The following ERCC6L2 variants were observed in gnomAD, a reference collection of about 807,000 sequenced individuals.
ERCC6L2 encodes the protein ERCC excision repair 6 like 2, also known as DNA excision repair protein ERCC-6-like 2.
Under a neutral mutation model 132.0 loss-of-function variants are expected in ERCC6L2, and 77 were observed. The ratio of observed to expected loss-of-function variants is 0.58; its 90% CI spans 0.49 to 0.71. ERCC6L2 has a LOEUF of 0.71. Among genes scored for constraint, ERCC6L2 ranks in the 30% least tolerant of loss-of-function variants. The pLI is 0.00. For synonymous variants in ERCC6L2, 583 were observed against 632.4 expected (o/e 0.92, Z 1.17); for missense variants, 1,542 against 1,837.6 (o/e 0.84, Z 2.94).
At chr9:95,918,296 C>A in intron 6 of ERCC6L2, 1 of 410,462 alleles carries the variant, frequency 2.4e-6, no homozygotes, top group Non-Finnish European at 4.8e-6. Context: ...GTTATTTGTC[C>A]TGATGTCAGT....
intron 19 of ERCC6L2, among the ~76,000 whole-genome samples, chr9:96,034,212 A>C (rs1159396111): frequency 2.0e-5 from 3 of 152,370 alleles, no homozygotes; most frequent in African/African-American, 7.2e-5. Flanking sequence ...GACGTTCCCC[A>C]GAGGGTTCAC....
intron 17 of ERCC6L2, among the ~76,000 whole-genome samples, chr9:95,983,204 T>C (rs1832959399): frequency 6.6e-6 from 1 of 152,198 alleles, no homozygotes; most frequent in African/African-American, 2.4e-5. Context: ...TTTAATTTTA[T>C]GTGAAGTACC....
chr9:96,036,118 A>G (rs370506069), intron 19 of ERCC6L2, among the ~76,000 whole-genome samples: 3 of 152,278 alleles, frequency 2.0e-5, no homozygotes, highest in South Asian at 4.1e-4. Context: ...AGTAATACCC[A>G]CACTCACACT....
At chr9:95,927,214 G>GACT (rs1189080473) in intron 9 of ERCC6L2, among the ~76,000 whole-genome samples, 2 of 152,064 alleles carry the variant, frequency 1.3e-5, no homozygotes, top group East Asian at 1.9e-4. Context: ...GGGGGAGGTA[G>GACT]AGGTCAAAGT....
chr9:95,938,483 C>T (rs1830657737), intron 11 of ERCC6L2, among the ~76,000 whole-genome samples: 1 of 152,050 alleles, frequency 6.6e-6, no homozygotes, highest in South Asian at 2.1e-4. Flanking sequence ...TTTCTCTTTT[C>T]AGCTTAATTT....
At chr9:96,030,836 C>T (rs887978774) in intron 19 of ERCC6L2, among the ~76,000 whole-genome samples, 11 of 152,282 alleles carry the variant, frequency 7.2e-5, no homozygotes, top group African/African-American at 2.6e-4. Context: ...CAGGGCACAC[C>T]TCATGTATTC....
intron 17 of ERCC6L2, among the ~76,000 whole-genome samples, chr9:95,979,503 A>C (rs1832807728): frequency 6.6e-6 from 1 of 152,184 alleles, no homozygotes; most frequent in African/African-American, 2.4e-5. Flanking sequence ...GAAATTTGTC[A>C]CTTGGTGTTT....
chr9:95,940,628 C>A (rs1012166971), intron 11 of ERCC6L2, among the ~76,000 whole-genome samples: 1 of 151,648 alleles, frequency 6.6e-6, no homozygotes, highest in African/African-American at 2.4e-5. Flanking sequence ...CAGTATATAC[C>A]AGTATAATTT....
At chr9:95,954,998 T>A (rs1831528514) in intron 12 of ERCC6L2, 1 of 413,616 alleles carries the variant, frequency 2.4e-6, no homozygotes, top group South Asian at 1.8e-5. Flanking sequence ...TCCCCCAAAT[T>A]GTGACATTTT....
intron 2 of ERCC6L2, among the ~76,000 whole-genome samples, chr9:95,886,253 G>A (rs1282844447): frequency 6.6e-6 from 1 of 152,146 alleles, no homozygotes; most frequent in Non-Finnish European, 1.5e-5. Flanking sequence ...CTGAGCTCAA[G>A]TGATCTGCCT....
At position 95,972,804 on chromosome 9, in the gene ERCC6L2, A is replaced by G. The variant is rs1832481670; in HGVS notation, c.3053A>G (p.Lys1018Arg). The G allele has an allele frequency of 3.1e-6, 4 of 1,304,610 alleles. No homozygotes were observed. Among genetic ancestry groups the G allele is most frequent in the Non-Finnish European group, 4.0e-6 (4 of 988,908 alleles). The allele number at this position is 1,304,610 out of a possible 1,614,324, so 80.8% of individuals were successfully genotyped here. A position where few individuals can be genotyped will look rare whatever the true frequency, so the allele number is the denominator to read the frequency against. ...ETKKELHNSP[K>R]TMNKTNQVYA... The stretch of plus-strand genomic sequence containing the variant: ...AAAAAAGAACTTCACAATTCTCCCA[A>G]AACAATGAACAAAACAAACCAAGTG... Residue 1018 changes from lysine to arginine, a missense_variant, in exon 16 of 19, where the codon AAA (lysine) becomes AGA (arginine). Physicochemically the swap from Lys to Arg is conservative, Grantham distance 26 (BLOSUM62 2). Around this residue, in one of 4 missense-constraint regions of ERCC6L2, gnomAD observed 945 missense variants for 1,105.2 expected, o/e 0.86. Transcript: ENST00000653738.
intron 16 of ERCC6L2, among the ~76,000 whole-genome samples, chr9:95,976,150 C>T (rs1309187556): frequency 6.6e-6 from 1 of 152,180 alleles, no homozygotes; most frequent in Non-Finnish European, 1.5e-5. Context: ...TCTCACCTCA[C>T]AGAGATCCGT....
intron 19 of ERCC6L2, among the ~76,000 whole-genome samples, chr9:96,029,620 G>T (rs1414230039): frequency 6.6e-6 from 1 of 151,886 alleles, no homozygotes; most frequent in Non-Finnish European, 1.5e-5. Context: ...CAAAGGAAAC[G>T]TGTTGATTTC....
intron 2 of ERCC6L2, among the ~76,000 whole-genome samples, chr9:95,889,980 C>T (rs147603155): frequency 2.1e-4 from 32 of 152,254 alleles, no homozygotes; most frequent in East Asian, 1.2e-3. Flanking sequence ...AGCCAGTTTG[C>T]GCACATTAAT....
At chr9:95,903,059 AATAC>A (rs1454877288) in intron 3 of ERCC6L2, among the ~76,000 whole-genome samples, 1 of 152,044 alleles carries the variant, frequency 6.6e-6, no homozygotes, top group Admixed American at 6.5e-5. Flanking sequence ...TAAATTTATA[AATAC>A]ATTCATTCAT....
intron 17 of ERCC6L2, among the ~76,000 whole-genome samples, chr9:96,001,595 C>T (rs1387138098): frequency 6.6e-6 from 1 of 152,224 alleles, no homozygotes; most frequent in Non-Finnish European, 1.5e-5. Flanking sequence ...ATTTACAATC[C>T]CTGAGCTAGA....
intron 4 of ERCC6L2, among the ~76,000 whole-genome samples, chr9:95,907,851 A>ACACACCCC (rs1166253099): frequency 6.7e-6 from 1 of 150,208 alleles, no homozygotes; most frequent in Non-Finnish European, 1.5e-5. Context: ...ACACACACAC[A>ACACACCCC]CACACCCCCA....
At chr9:95,916,502 T>G in intron 6 of ERCC6L2, 68 bp downstream of exon 6, 1 of 1,304,294 alleles carries the variant, frequency 7.7e-7, no homozygotes, top group Non-Finnish European at 1.0e-6. Flanking sequence ...TAAGAAAAAG[T>G]CTGTCTCCTG....
intron 2 of ERCC6L2, among the ~76,000 whole-genome samples, chr9:95,894,714 C>A (rs1828358985): frequency 6.6e-6 from 1 of 151,200 alleles, no homozygotes; most frequent in African/African-American, 2.4e-5. Flanking sequence ...CCTGCCTCAG[C>A]CTTCCAAGTA....
Sources: allele counts gnomAD v4.1 joint callset (sites outside exome capture counted in the v4.1 genomes callset), GRCh38; gene constraint gnomAD v4.1.1; regional missense constraint gnomAD v4.1.1; transcripts MANE v1.5; gene names NCBI Gene and HGNC (gene_info 2026-07-23, HGNC 2026-07-21).